IAPP: variants seen among roughly 807,000 people sequenced by gnomAD.
IAPP encodes the protein Islet amyloid polypeptide (diabetes-associated peptide; amylin).
IAPP carries 4 observed loss-of-function variants against 2.9 expected under a neutral mutation model. The ratio of observed to expected loss-of-function variants is 1.39; its 90% CI spans 0.69 to 3.19. The LOEUF is 3.19. Ranked by LOEUF, IAPP falls within the 30% of genes most tolerant of loss-of-function variation. The pLI is 0.01. For synonymous variants in IAPP, 40 were observed against 42.1 expected, an observed-to-expected ratio of 0.95 and a Z score of 0.19; for missense variants, 114 against 105.3, an observed-to-expected ratio of 1.08 and a Z score of -0.36.
rs139606014 is a variant in IAPP at position 21,374,530 on chromosome 12, G to A, written c.80+1099G>A. 54 of 152,216 alleles carry A rather than the reference G, an allele frequency of 3.5e-4. 1 individual carries two copies. The highest frequency in any genetic ancestry group is 1.3e-3 in the African/African-American group (53 of 41,552). The allele number at this position is 152,216 out of a possible 1,614,324, so 9.4% of individuals were successfully genotyped here. On this transcript the variant is annotated intron_variant, in intron 2 of 2. Coordinates refer to ENST00000240652, the MANE Select transcript of IAPP (RefSeq NM_000415.3). ...ATGCAAAGATTTCTACAGCACCTAC[G>A]TATAATAAATAGCAAGAATCATTAT...
In IAPP at chr12:21,377,130, C is replaced by A. The variant is rs900159917; in HGVS notation, c.81-1107C>A. On this transcript the variant is annotated intron_variant, in intron 2 of 2. Transcript: ENST00000240652. ...AGTTTATAAGTATTATTATGCACTT[C>A]TTCCAGGTGGCTAGAAAAATGTGAT... 6.6e-5 allele frequency among the ~76,000 whole-genome samples: 10 copies of A among 152,230 alleles called. No homozygotes were observed. The East Asian group carries it at 9.7e-4, about 15-fold the overall frequency.
upstream of IAPP, among the ~76,000 whole-genome samples, chr12:21,370,550 A>G (rs938135023): frequency 3.5e-5 from 5 of 142,220 alleles, no homozygotes; most frequent in African/African-American, 5.3e-5. Flanking sequence ...TCATTGTTCA[A>G]TTCCCACCTA....
upstream of IAPP, among the ~76,000 whole-genome samples, chr12:21,369,061 A>C (rs1312340095): frequency 1.3e-5 from 2 of 152,256 alleles, no homozygotes; most frequent in East Asian, 1.9e-4. Flanking sequence ...AAGGCAAGGA[A>C]CTACTGTGTT....
chr12:21,378,549 A>G lies in IAPP; in HGVS notation c.*123A>G, dbSNP rs1419446788. The stretch of plus-strand genomic sequence containing the variant: ...TGTGTCTGATGTTTGTTGCTAGGAC[A>G]TATACCTTCTCAAAAGATTGTTTTA... On this transcript the variant is annotated 3_prime_UTR_variant, in exon 3 of 3. Transcript: ENST00000240652. 1.3e-6 allele frequency: 1 copy of G among 779,450 alleles called. No homozygotes were observed. Among genetic ancestry groups the G allele is most frequent in the East Asian group, 2.6e-5 (1 of 38,214 alleles). 48.3% of individuals were successfully genotyped at this position (779,450 alleles called of 1,614,324 possible).
rs758292552 is a variant in IAPP at position 21,373,410 on chromosome 12, T to C, written c.59T>C (p.Leu20Pro). Residue 20 changes from leucine to proline, a missense_variant, in exon 2 of 3, where the codon CTG (leucine) becomes CCG (proline). By Grantham distance (98) the Leu-to-Pro change is moderately conservative. Transcript: ENST00000240652. ...GTGCTCTCTGTTGCATTGAACCATCTGAAAGCTACACCCATTGAAAGGTTG... is the reference window on the plus strand; with the variant it reads ...GTGCTCTCTGTTGCATTGAACCATCCGAAAGCTACACCCATTGAAAGGTTG... ...LIVLSVALNH[L>P]KATPIESHQV... 2 of 1,612,992 alleles carry C rather than the reference T, an allele frequency of 1.2e-6. No homozygotes were observed. The highest frequency in any genetic ancestry group is 1.7e-6 in the Non-Finnish European group (2 of 1,179,058).
intron 1 of IAPP, chr12:21,355,153 G>A (rs770820760): frequency 3.3e-5 from 5 of 151,870 alleles, no homozygotes; most frequent in East Asian, 1.9e-4. Flanking sequence ...ATAATTTCCC[G>A]TGTTGGCAAT....
Position 21,373,385 on chromosome 12 carries a change from G to C in IAPP, c.34G>C (p.Val12Leu). The change falls in exon 2 of 3, where the codon GTG (valine) becomes CTG (leucine). Residue 12 changes from valine (V) to leucine (L), a missense_variant. Val to Leu is a conservative substitution (Grantham distance 32, BLOSUM62 1). Transcript: ENST00000240652. The stretch of plus-strand genomic sequence containing the variant: ...CCTGAAGCTGCAAGTATTTCTCATT[G>C]TGCTCTCTGTTGCATTGAACCATCT... ...GILKLQVFLI[V>L]LSVALNHLKA... 4.3e-6 allele frequency: 7 copies of C among 1,613,572 alleles called. No individual in the cohort carries two copies. The highest frequency in any genetic ancestry group is 5.9e-6 in the Non-Finnish European group (7 of 1,179,658).
rs1316438177 is a variant in IAPP, at chr12:21,379,074, A to G, written c.*648A>G. 1 of 152,084 alleles carries G rather than the reference A, an allele frequency of 6.6e-6. No homozygotes were observed. Among genetic ancestry groups the G allele is most frequent in the East Asian group, 1.9e-4 (1 of 5,198 alleles). 9.4% of individuals were successfully genotyped at this position (152,084 alleles called of 1,614,324 possible). ...TGGGTGGCAGAGTGAGACTCGTCTC[A>G]AAAAAAAGAAAGAAAATTAGTAATT... On this transcript the variant is annotated 3_prime_UTR_variant, in exon 3 of 3. Coordinates refer to ENST00000240652, the MANE Select transcript of IAPP (RefSeq NM_000415.3).
At chr12:21,355,499 G>GTCC (rs1417804386) in intron 1 of IAPP, among the ~76,000 whole-genome samples, 7 of 152,102 alleles carry the variant, frequency 4.6e-5, no homozygotes, top group Non-Finnish European at 8.8e-5. Flanking sequence ...CTGATACAAG[G>GTCC]CCTAGGATCT....
At chr12:21,370,229 T>C (rs1417838116), upstream of IAPP, among the ~76,000 whole-genome samples, 1 of 152,120 alleles carries the variant, frequency 6.6e-6, no homozygotes, top group African/African-American at 2.4e-5. Flanking sequence ...GGGCAAATAA[T>C]AACCACCGAA....
At chr12:21,376,409 C>A (rs1357289918) in intron 2 of IAPP, 2 of 259,242 alleles carry the variant, frequency 7.7e-6, no homozygotes, top group Non-Finnish European at 1.6e-5. Context: ...ATTACTAGTT[C>A]AATCCTTAAA....
chr12:21,367,515 T>C (rs1034719114), intron 1 of IAPP, among the ~76,000 whole-genome samples: 1 of 152,014 alleles, frequency 6.6e-6, no homozygotes, highest in African/African-American at 2.4e-5. Flanking sequence ...AAGGAAATAT[T>C]ATCATATGAA....
chr12:21,355,951 ATGAG>A (rs1250009234), intron 1 of IAPP, among the ~76,000 whole-genome samples: 1 of 152,184 alleles, frequency 6.6e-6, no homozygotes, highest in African/African-American at 2.4e-5. Flanking sequence ...ATAGTATTGA[ATGAG>A]TAACAGCATA....
At chr12:21,375,632 A>C (rs551859409) in intron 2 of IAPP, among the ~76,000 whole-genome samples, 111 of 152,344 alleles carry the variant, frequency 7.3e-4, no homozygotes, top group African/African-American at 2.6e-3. Flanking sequence ...CATAGATGCC[A>C]AGATGCAATC....
At chr12:21,363,032 G>T (rs1415104606) in intron 1 of IAPP, among the ~76,000 whole-genome samples, 1 of 152,160 alleles carries the variant, frequency 6.6e-6, no homozygotes, top group Non-Finnish European at 1.5e-5. Flanking sequence ...ACTCAGCTCT[G>T]CACCAAGCGG....
At chr12:21,373,655 A>G (rs1259753597) in intron 2 of IAPP, 1 of 701,680 alleles carries the variant, frequency 1.4e-6, no homozygotes, top group East Asian at 2.7e-5. Context: ...GGAATGGATA[A>G]TTCCAGTTTT....
At chr12:21,359,975 G>C (rs1481873485) in intron 1 of IAPP, among the ~76,000 whole-genome samples, 1 of 151,856 alleles carries the variant, frequency 6.6e-6, no homozygotes, top group Non-Finnish European at 1.5e-5. Flanking sequence ...TATGCACATG[G>C]ATACGGAATG....
chr12:21,377,566 C>T (rs890169215), intron 2 of IAPP, among the ~76,000 whole-genome samples: 2 of 152,100 alleles, frequency 1.3e-5, no homozygotes, highest in Non-Finnish European at 2.9e-5. Flanking sequence ...TCCCTATTTC[C>T]CCCTCTCCCT....
At chr12:21,360,432 G>C (rs1012944181) in intron 1 of IAPP, among the ~76,000 whole-genome samples, 1 of 152,186 alleles carries the variant, frequency 6.6e-6, no homozygotes, top group Non-Finnish European at 1.5e-5. Context: ...ATCAGAGGGT[G>C]GCACCAAGAT....
Sources: allele counts gnomAD v4.1 joint callset (sites outside exome capture counted in the v4.1 genomes callset), GRCh38; gene constraint gnomAD v4.1.1; transcripts MANE v1.5; gene names NCBI Gene and HGNC (gene_info 2026-07-23, HGNC 2026-07-21).